EIF3J: variants seen among roughly 807,000 people sequenced by gnomAD.
EIF3J encodes the protein eukaryotic translation initiation factor 3, subunit 1 (alpha, 35kD).
In EIF3J, 15 loss-of-function variants were observed where a neutral mutation model predicts 39.0. The ratio of observed to expected loss-of-function variants is 0.38; its 90% CI spans 0.26 to 0.59. EIF3J has a LOEUF of 0.59. Among genes scored for constraint, EIF3J ranks in the 20% least tolerant of loss-of-function variants. EIF3J has a pLI of 0.60. For synonymous variants in EIF3J, 98 were observed against 112.9 expected (o/e 0.87, Z 0.84); for missense variants, 226 against 308.6 (o/e 0.73, Z 2.00).
intron 2 of EIF3J, among the ~76,000 whole-genome samples, chr15:44,538,567 C>T (rs956312562): frequency 5.9e-5 from 9 of 152,096 alleles, no homozygotes; most frequent in African/African-American, 2.2e-4. Flanking sequence ...CTGTTCTCTC[C>T]CCAGTCCGAT....
chr15:44,537,734 C>T (rs113995010), intron 2 of EIF3J, among the ~76,000 whole-genome samples: 1,548 of 152,310 alleles, frequency 0.01, 24 homozygotes, highest in African/African-American at 0.035. Flanking sequence ...TCCGGAGCCT[C>T]TCGCAGGAAT....
intron 2 of EIF3J, among the ~76,000 whole-genome samples, chr15:44,548,276 A>G (rs1183993390): frequency 1.3e-5 from 2 of 152,090 alleles, no homozygotes; most frequent in Non-Finnish European, 2.9e-5. Flanking sequence ...TTAGCCCGGC[A>G]TGATGGTGGA....
intron 6 of EIF3J, among the ~76,000 whole-genome samples, chr15:44,558,463 A>T (rs1052342548): frequency 6.7e-6 from 1 of 150,186 alleles, no homozygotes; most frequent in African/African-American, 2.4e-5. Context: ...TGGGAGGCAA[A>T]GCTTGCAGTG....
intron 2 of EIF3J, among the ~76,000 whole-genome samples, chr15:44,538,694 C>T (rs2140887719): frequency 6.6e-6 from 1 of 152,276 alleles, no homozygotes; most frequent in Admixed American, 6.5e-5. Flanking sequence ...CACTCAGATG[C>T]TTTATTTACA....
chr15:44,547,437 A>ACTCT (rs1437942257), intron 2 of EIF3J, among the ~76,000 whole-genome samples: 122 of 118,450 alleles, frequency 1.0e-3, no homozygotes, highest in African/African-American at 3.3e-3. Context: ...GCCGGCCTTG[A>ACTCT]TTCTTTTTTT....
intron 2 of EIF3J, among the ~76,000 whole-genome samples, chr15:44,541,434 T>C (rs536766589): frequency 6.6e-6 from 1 of 152,344 alleles, no homozygotes; most frequent in East Asian, 1.9e-4. Flanking sequence ...TAAAAGATCC[T>C]GAAGAGGCTG....
At chr15:44,539,453 G>GC (rs2081989694) in intron 2 of EIF3J, among the ~76,000 whole-genome samples, 2 of 152,148 alleles carry the variant, frequency 1.3e-5, no homozygotes, top group South Asian at 4.1e-4. Context: ...TGTCACCCAG[G>GC]CTGGAGTGCA....
At chr15:44,546,816 CTTTTTTTTT>C (rs1160471321) in intron 2 of EIF3J, among the ~76,000 whole-genome samples, 2,747 of 78,762 alleles carry the variant, frequency 0.035, 75 homozygotes, top group African/African-American at 0.13. Context: ...GAGTATAGAT[CTTTTTTTTT>C]TTTTTTTTTT....
At chr15:44,557,315 C>A (rs2082152602) in intron 5 of EIF3J, among the ~76,000 whole-genome samples, 174 bp from the exon 6 acceptor site, 3 of 151,278 alleles carry the variant, frequency 2.0e-5, no homozygotes. Flanking sequence ...AAGTTTGTAA[C>A]CCCCCTCCCC....
At position 44,537,306 on chromosome 15, in the gene EIF3J, GC is replaced by G; in HGVS notation, c.44-17del. ...CCACGCAGTGGCAGGCACTAACACG[GC>G]TCGCTTTCTTCCGTAGACGCCGACG... On this transcript the variant is annotated splice_polypyrimidine_tract_variant and intron_variant, in intron 1 of 7. Transcript: ENST00000261868. The G allele has an allele frequency of 6.4e-7, 1 of 1,561,182 alleles. No homozygotes were observed. The highest frequency in any genetic ancestry group is 8.7e-7 in the Non-Finnish European group (1 of 1,153,202).
intron 2 of EIF3J, among the ~76,000 whole-genome samples, chr15:44,546,513 T>TC (rs2082053885): frequency 6.6e-6 from 1 of 152,200 alleles, no homozygotes; most frequent in African/African-American, 2.4e-5. Context: ...AAGCTTGGTG[T>TC]CATATTGTGG....
At chr15:44,560,438 C>T in intron 7 of EIF3J, 116 bp downstream of exon 7, 2 of 923,240 alleles carry the variant, frequency 2.2e-6, no homozygotes, top group Non-Finnish European at 3.3e-6. Context: ...CTCACTAATA[C>T]CATTTAAGTT....
chr15:44,546,814 A>ATTTTTTTT (rs1245274310), intron 2 of EIF3J, among the ~76,000 whole-genome samples: 1 of 117,322 alleles, frequency 8.5e-6, no homozygotes, highest in African/African-American at 3.5e-5. Flanking sequence ...CAGAGTATAG[A>ATTTTTTTT]TCTTTTTTTT....
At chr15:44,550,795 C>A in intron 2 of EIF3J, 81 bp from the exon 3 acceptor site, 1 of 961,790 alleles carries the variant, frequency 1.0e-6, no homozygotes. Context: ...AAACATTTCT[C>A]TGGAGTTAGT....
intron 1 of EIF3J, 39 bp from the exon 2 acceptor site, chr15:44,537,285 G>A: frequency 6.4e-7 from 1 of 1,563,532 alleles, no homozygotes; most frequent in Non-Finnish European, 8.7e-7. Flanking sequence ...CCGGCCCCAC[G>A]CAGTGGCAGG....
intron 4 of EIF3J, among the ~76,000 whole-genome samples, chr15:44,552,974 C>T (rs1193038754): frequency 6.6e-6 from 1 of 151,344 alleles, no homozygotes; most frequent in African/African-American, 2.4e-5. Flanking sequence ...TTGCTTGAGT[C>T]CATGGATTTG....
In EIF3J at chr15:44,561,435, A is replaced by AT. The variant is rs1392493345; in HGVS notation, c.*288dup. 2.0e-5 allele frequency: 5 copies of AT among 248,674 alleles called. No homozygotes were observed. Among genetic ancestry groups the AT allele is most frequent in the African/African-American group, 6.7e-5 (3 of 45,028 alleles). 15.4% of individuals were successfully genotyped at this position (248,674 alleles called of 1,614,324 possible). Reference sequence around the variant, plus strand: ...CTGATTTCATAGCAGCAGTCACTAAATTGGAAACAAAAGGTTGCAACGTGA... The same window carrying AT: ...CTGATTTCATAGCAGCAGTCACTAAATTTGGAAACAAAAGGTTGCAACGTGA... On this transcript the variant is annotated 3_prime_UTR_variant, in exon 8 of 8. Transcript: ENST00000261868.
At chr15:44,546,477 T>A (rs949168525) in intron 2 of EIF3J, among the ~76,000 whole-genome samples, 10 of 152,330 alleles carry the variant, frequency 6.6e-5, no homozygotes, top group African/African-American at 2.4e-4. Context: ...GATACAAATT[T>A]GTGATCTGTC....
intron 2 of EIF3J, 91 bp from the exon 3 acceptor site, chr15:44,550,781 CAACA>C: frequency 2.3e-6 from 2 of 871,140 alleles, no homozygotes; most frequent in South Asian, 1.7e-5. Flanking sequence ...AAAAAAATAC[CAACA>C]AACATTTCTC....
Sources: allele counts gnomAD v4.1 joint callset (sites outside exome capture counted in the v4.1 genomes callset), GRCh38; gene constraint gnomAD v4.1.1; transcripts MANE v1.5; gene names NCBI Gene and HGNC (gene_info 2026-07-23, HGNC 2026-07-21).